Variants in PARD3B observed in about 807,000 individuals in gnomAD.
PARD3B encodes the protein par-3 family cell polarity regulator beta.
PARD3B carries 103 observed loss-of-function variants against 130.2 expected under a neutral mutation model. The observed-to-expected ratio is 0.79, with a 90% CI of 0.67 to 0.93. The LOEUF (loss-of-function observed/expected upper bound fraction) is 0.93. PARD3B is among the 40% of genes least tolerant of loss of function. The pLI, the probability that PARD3B is intolerant of heterozygous loss-of-function variation, is 0.00. For synonymous variants in PARD3B, 583 were observed against 553.2 expected (o/e 1.05, Z -0.76); for missense variants, 1,609 against 1,499.2 (o/e 1.07, Z -1.21).
At chr2:205,056,129 A>G (rs1699617415) in intron 4 of PARD3B, among the ~76,000 whole-genome samples, 1 of 152,142 alleles carries the variant, frequency 6.6e-6, no homozygotes, top group Non-Finnish European at 1.5e-5. Flanking sequence ...AAGAAGCAAG[A>G]CAATTGGCCT....
intron 4 of PARD3B, among the ~76,000 whole-genome samples, chr2:205,094,315 A>C (rs1007880955): frequency 4.6e-5 from 7 of 152,180 alleles, no homozygotes; most frequent in Non-Finnish European, 1.0e-4. Context: ...CAACAGATGC[A>C]CATGGCAAAG....
At chr2:205,203,583 C>T (rs2037109956) in intron 15 of PARD3B, among the ~76,000 whole-genome samples, 1 of 152,090 alleles carries the variant, frequency 6.6e-6, no homozygotes, top group Non-Finnish European at 1.5e-5. Context: ...GGTATTTCTC[C>T]TAAGACTATC....
intron 18 of PARD3B, among the ~76,000 whole-genome samples, chr2:205,313,429 T>C (rs1263849631): frequency 6.6e-6 from 1 of 152,208 alleles, no homozygotes; most frequent in Non-Finnish European, 1.5e-5. Context: ...TTAATTGGTA[T>C]GAAAATGTAC....
At chr2:204,851,773 A>C (rs1010253883) in intron 2 of PARD3B, among the ~76,000 whole-genome samples, 2 of 151,990 alleles carry the variant, frequency 1.3e-5, no homozygotes, top group African/African-American at 2.4e-5. Context: ...GCTCACTGCA[A>C]CCTCTGCCTC....
At chr2:204,700,471 C>G (rs2037837188) in intron 2 of PARD3B, among the ~76,000 whole-genome samples, 1 of 152,038 alleles carries the variant, frequency 6.6e-6, no homozygotes, top group Non-Finnish European at 1.5e-5. Flanking sequence ...TTGATAGTGT[C>G]TTCATATAAG....
At chr2:205,468,576 C>G (rs181938039) in intron 20 of PARD3B, among the ~76,000 whole-genome samples, 1 of 152,318 alleles carries the variant, frequency 6.6e-6, no homozygotes, top group Admixed American at 6.5e-5. Flanking sequence ...AAGCCAGAAT[C>G]TGGGAGTCTT....
intron 16 of PARD3B, among the ~76,000 whole-genome samples, chr2:205,264,192 A>G (rs2040418163): frequency 6.6e-6 from 1 of 151,104 alleles, no homozygotes; most frequent in Non-Finnish European, 1.5e-5. Context: ...AATCAAGGTT[A>G]GCGATACAGA....
At chr2:205,296,943 A>T (rs1450762074) in intron 16 of PARD3B, among the ~76,000 whole-genome samples, 1 of 151,890 alleles carries the variant, frequency 6.6e-6, no homozygotes, top group African/African-American at 2.4e-5. Flanking sequence ...TTGGCACCTG[A>T]CATTAAGAAT....
intron 19 of PARD3B, among the ~76,000 whole-genome samples, chr2:205,433,525 T>C (rs2047407242): frequency 2.5e-5 from 2 of 80,240 alleles, no homozygotes; most frequent in Admixed American, 1.6e-4. Context: ...AGAGCAAGAC[T>C]CTGTGTCAAA....
At chr2:205,221,474 G>A (rs1407541115) in intron 15 of PARD3B, among the ~76,000 whole-genome samples, 1 of 152,174 alleles carries the variant, frequency 6.6e-6, no homozygotes, top group Non-Finnish European at 1.5e-5. Flanking sequence ...AGCTAATGCT[G>A]TCTTAGGTGG....
intron 15 of PARD3B, among the ~76,000 whole-genome samples, chr2:205,234,671 A>G (rs1033567451): frequency 2.6e-5 from 4 of 152,222 alleles, no homozygotes; most frequent in African/African-American, 7.2e-5. Flanking sequence ...AGATTTGAAC[A>G]ATATTATCAA....
At chr2:204,924,252 C>A (rs1397951405) in intron 2 of PARD3B, among the ~76,000 whole-genome samples, 2 of 152,002 alleles carry the variant, frequency 1.3e-5, no homozygotes, top group Non-Finnish European at 2.9e-5. Flanking sequence ...ACTAAAACAT[C>A]ATGGCTTTCA....
rs916836861 is a variant in PARD3B, at chr2:204,912,260, G to A, written c.223-52892G>A. 2.6e-5 allele frequency among the ~76,000 whole-genome samples: 4 copies of A among 152,308 alleles called. No homozygotes were observed. In the East Asian group the frequency reaches 7.7e-4, roughly 29 times the overall value. On this transcript the variant is annotated intron_variant, in intron 2 of 22. Transcript: ENST00000406610. ...GCCTAAACTGCATGAAAATGCGTAA[G>A]TGATGCTAATTCCTGATATATTTTG...
intron 2 of PARD3B, among the ~76,000 whole-genome samples, chr2:204,865,634 G>T (rs1277529439): frequency 6.6e-6 from 1 of 152,122 alleles, no homozygotes; most frequent in Non-Finnish European, 1.5e-5. Flanking sequence ...GGACTCGGGG[G>T]AAAGGGTGGG....
intron 12 of PARD3B, among the ~76,000 whole-genome samples, chr2:205,173,128 C>A (rs2035270905): frequency 1.3e-5 from 2 of 152,034 alleles, no homozygotes; most frequent in African/African-American, 4.8e-5. Flanking sequence ...ATCAGCAAAT[C>A]ACACATTTTG....
At chr2:205,025,813 C>A (rs1696977245) in intron 3 of PARD3B, among the ~76,000 whole-genome samples, 1 of 152,132 alleles carries the variant, frequency 6.6e-6, no homozygotes, top group African/African-American at 2.4e-5. Flanking sequence ...GCTCTGACCC[C>A]TCAACACACA....
intron 2 of PARD3B, among the ~76,000 whole-genome samples, chr2:204,925,568 C>T (rs926270962): frequency 4.2e-5 from 4 of 94,926 alleles, no homozygotes; most frequent in Middle Eastern, 5.6e-3. Context: ...ACAGGAATTA[C>T]GGCAAGATGA....
At chr2:204,807,070 G>C (rs1293985535) in intron 2 of PARD3B, among the ~76,000 whole-genome samples, 1 of 152,296 alleles carries the variant, frequency 6.6e-6, no homozygotes, top group East Asian at 1.9e-4. Context: ...GCAGGCAAGA[G>C]TGTGTGTGCA....
In PARD3B at chr2:205,024,765, A is replaced by C. The variant is rs1267931735; in HGVS notation, c.395-22816A>C. Among the ~76,000 whole-genome samples, 3 of 152,244 alleles carry C rather than the reference A, an allele frequency of 2.0e-5. No homozygotes were observed. The East Asian group carries it at 5.8e-4, about 29-fold the overall frequency. On this transcript the variant is annotated intron_variant, in intron 3 of 22. Coordinates refer to ENST00000406610, the MANE Select transcript of PARD3B (RefSeq NM_001302769.2). ...GCAGATTATGCATATCTTAAACAAA[A>C]GAAATAAGTTGTATATTTCAAGCCT...
Sources: gnomAD v4.1 joint callset for allele counts (sites outside exome capture counted in the v4.1 genomes callset) on GRCh38, gnomAD v4.1.1 for gene constraint, MANE v1.5 for transcripts, NCBI Gene and HGNC (gene_info 2026-07-23, HGNC 2026-07-21) for gene names.